FBXL7: variants seen among roughly 807,000 people sequenced by gnomAD.
FBXL7 encodes the protein F-box/LRR-repeat protein 7.
Under a neutral mutation model 38.3 loss-of-function variants are expected in FBXL7, and 12 were observed. The observed-to-expected ratio is 0.31, with a 90% CI of 0.20 to 0.51. The LOEUF (loss-of-function observed/expected upper bound fraction) is 0.51. FBXL7 is among the 20% of genes least tolerant of loss of function. FBXL7 has a pLI of 0.98. For synonymous variants in FBXL7, 297 were observed against 300.9 expected, an observed-to-expected ratio of 0.99 and a Z score of 0.13; for missense variants, 567 against 676.4, an observed-to-expected ratio of 0.84 and a Z score of 1.79.
chr5:15,728,318 CTAA>C (rs1433679097), intron 2 of FBXL7, among the ~76,000 whole-genome samples: 3 of 152,024 alleles, frequency 2.0e-5, no homozygotes, highest in African/African-American at 7.2e-5. Context: ...ACATCTGAAT[CTAA>C]TAATACCTTT....
intron 2 of FBXL7, among the ~76,000 whole-genome samples, chr5:15,922,445 TA>T (rs1741768451): frequency 6.6e-6 from 1 of 152,192 alleles, no homozygotes; most frequent in Non-Finnish European, 1.5e-5. Flanking sequence ...CTGTGGGTGA[TA>T]TCTGCTCCTT....
At position 15,500,426 on chromosome 5, in the gene FBXL7, C is replaced by A; in HGVS notation, c.-251C>A. 1 of 443,088 alleles carries A rather than the reference C, an allele frequency of 2.3e-6. No homozygotes were observed. The highest frequency in any genetic ancestry group is 4.0e-6 in the Non-Finnish European group (1 of 251,526). The allele number at this position is 443,088 out of a possible 1,614,324, so 27.4% of individuals were successfully genotyped here. A position where few individuals can be genotyped will look rare whatever the true frequency, so the allele number is the denominator to read the frequency against. ...CTGTGCGCGGCGCTGCGCCCGCCGG[C>A]CCCCAGCGCGGATTGTAAGTGCTGC... On this transcript the variant is annotated 5_prime_UTR_variant, in exon 1 of 4. Coordinates refer to ENST00000504595, the MANE Select transcript of FBXL7 (RefSeq NM_012304.5).
At chr5:15,884,414 C>T (rs1740592482) in intron 2 of FBXL7, among the ~76,000 whole-genome samples, 1 of 152,134 alleles carries the variant, frequency 6.6e-6, no homozygotes, top group South Asian at 2.1e-4. Context: ...CTACAGGTAC[C>T]TGCTACCACG....
intron 1 of FBXL7, among the ~76,000 whole-genome samples, chr5:15,504,675 AT>A (rs143282771): frequency 1.3e-5 from 2 of 152,118 alleles, no homozygotes; most frequent in African/African-American, 2.4e-5. Flanking sequence ...TTATGGAGGA[AT>A]TTTTTTGTGT....
At chr5:15,912,492 G>T (rs945895870) in intron 2 of FBXL7, among the ~76,000 whole-genome samples, 1 of 151,430 alleles carries the variant, frequency 6.6e-6, no homozygotes, top group Non-Finnish European at 1.5e-5. Flanking sequence ...CTTCTGCGTC[G>T]CTCACGCTGG....
intron 1 of FBXL7, among the ~76,000 whole-genome samples, chr5:15,541,443 G>GTGTGTATATATATATATATA (rs1264820921): frequency 2.6e-5 from 1 of 38,426 alleles, no homozygotes; most frequent in Non-Finnish European, 4.8e-5. Context: ...GTGTGTGTGT[G>GTGTGTATATATATATATATA]TATATATATA....
chr5:15,743,400 T>A (rs1735938942), intron 2 of FBXL7, among the ~76,000 whole-genome samples: 1 of 152,132 alleles, frequency 6.6e-6, no homozygotes, highest in Non-Finnish European at 1.5e-5. Context: ...GAAATCCAAG[T>A]TGGTCAGTAA....
chr5:15,698,924 C>T (rs1743433185), intron 2 of FBXL7, among the ~76,000 whole-genome samples: 1 of 152,132 alleles, frequency 6.6e-6, no homozygotes, highest in South Asian at 2.1e-4. Context: ...ATGCTCATTC[C>T]CTGCCTGCCA....
At chr5:15,620,958 G>A (rs1221810835) in intron 2 of FBXL7, among the ~76,000 whole-genome samples, 2 of 152,170 alleles carry the variant, frequency 1.3e-5, no homozygotes, top group Admixed American at 6.5e-5. Flanking sequence ...ACTCCAGTAA[G>A]TCTGTTTCTT....
chr5:15,834,902 AC>A (rs1297653680), intron 2 of FBXL7, among the ~76,000 whole-genome samples: 1 of 152,250 alleles, frequency 6.6e-6, no homozygotes, highest in Non-Finnish European at 1.5e-5. Flanking sequence ...TAAGTAGGCA[AC>A]AAAAAATTTA....
At chr5:15,698,170 CAG>C (rs1743397777) in intron 2 of FBXL7, among the ~76,000 whole-genome samples, 1 of 152,138 alleles carries the variant, frequency 6.6e-6, no homozygotes, top group Non-Finnish European at 1.5e-5. Context: ...AAAAACCAAA[CAG>C]ATAATCTGTA....
Position 15,515,860 on chromosome 5 carries a change from CAAAT to C in FBXL7, c.37+15150_37+15153del, listed in dbSNP as rs562010867. On this transcript the variant is annotated intron_variant, in intron 1 of 3. Transcript: ENST00000504595. Reference sequence around the variant, plus strand: ...AGTTTATTAGTCATTTTATTACACTCAAATAACATTCCACTGAGATTATCAAATT... The same window carrying C: ...AGTTTATTAGTCATTTTATTACACTCAACATTCCACTGAGATTATCAAATT... 5.0e-4 allele frequency among the ~76,000 whole-genome samples: 76 copies of C among 152,212 alleles called. 1 individual carries two copies. Among genetic ancestry groups the C allele is most frequent in the Middle Eastern group, 3.4e-3 (1 of 294 alleles).
At chr5:15,785,271 G>C (rs1216860220) in intron 2 of FBXL7, among the ~76,000 whole-genome samples, 1 of 152,198 alleles carries the variant, frequency 6.6e-6, no homozygotes, top group South Asian at 2.1e-4. Flanking sequence ...GTGATCTCCT[G>C]CAGCAGGTCT....
rs778592840 is a variant in FBXL7, at chr5:15,937,201, TC to T, written c.*17del. The stretch of plus-strand genomic sequence containing the variant: ...CTTTCTTCTGAAGGGACAGAGTTCA[TC>T]CGGCGTTGTATTCACACAAACCTGA... On this transcript the variant is annotated 3_prime_UTR_variant, in exon 4 of 4. Coordinates refer to ENST00000504595, the MANE Select transcript of FBXL7 (RefSeq NM_012304.5). 3.8e-6 allele frequency: 6 copies of T among 1,561,634 alleles called. No individual in the cohort carries two copies. In the Middle Eastern group the frequency reaches 6.1e-4, roughly 158 times the overall value.
intron 1 of FBXL7, among the ~76,000 whole-genome samples, chr5:15,502,005 A>G (rs1736504177): frequency 4.0e-5 from 6 of 151,832 alleles, no homozygotes; most frequent in Admixed American, 3.9e-4. Flanking sequence ...AAAGTATGCC[A>G]AAAAAGATTA....
chr5:15,736,449 T>A (rs1365248950), intron 2 of FBXL7, among the ~76,000 whole-genome samples: 1 of 152,224 alleles, frequency 6.6e-6, no homozygotes, highest in Non-Finnish European at 1.5e-5. Context: ...ATTACAATAT[T>A]GTTTATACAA....
chr5:15,715,060 T>G lies in FBXL7; in HGVS notation c.127+98988T>G, dbSNP rs188963828. 6.6e-5 allele frequency among the ~76,000 whole-genome samples: 10 copies of G among 152,196 alleles called. No individual in the cohort carries two copies. In the East Asian group the frequency reaches 1.7e-3, roughly 27 times the overall value. On this transcript the variant is annotated intron_variant, in intron 2 of 3. Coordinates refer to ENST00000504595, the MANE Select transcript of FBXL7 (RefSeq NM_012304.5). Reference sequence around the variant, plus strand: ...ACGCAGTCCTGCCAACACCTTGATTTTAGGATGTCTGACCTCCAGAACTGT... The same window carrying G: ...ACGCAGTCCTGCCAACACCTTGATTGTAGGATGTCTGACCTCCAGAACTGT...
rs1736462980 is a variant in FBXL7, at chr5:15,500,651, G to A, written c.-26G>A. On this transcript the variant is annotated 5_prime_UTR_variant, in exon 1 of 4. Transcript: ENST00000504595. ...GCGCCGCAGCTATGGAGTGTCCCGG[G>A]AGACGGCGGGCATGACGGCTACAGG... 1 of 1,613,398 alleles carries A rather than the reference G, an allele frequency of 6.2e-7. No homozygotes were observed. Among genetic ancestry groups the A allele is most frequent in the Non-Finnish European group, 8.5e-7 (1 of 1,179,618 alleles).
chr5:15,869,417 C>T (rs1231089507), intron 2 of FBXL7, among the ~76,000 whole-genome samples: 3 of 152,130 alleles, frequency 2.0e-5, no homozygotes, highest in Admixed American at 6.6e-5. Flanking sequence ...GCCGTACTTC[C>T]GGCCGACACA....
Sources: gnomAD v4.1 joint callset for allele counts (sites outside exome capture counted in the v4.1 genomes callset) on GRCh38, gnomAD v4.1.1 for gene constraint, MANE v1.5 for transcripts, NCBI Gene and HGNC (gene_info 2026-07-23, HGNC 2026-07-21) for gene names.